Variants in TRDMT1 observed in about 807,000 individuals in gnomAD.
TRDMT1 encodes tRNA aspartic acid methyltransferase 1, also known as tRNA (cytosine(38)-C(5))-methyltransferase.
In TRDMT1, 49 loss-of-function variants were observed where a neutral mutation model predicts 51.2. The ratio of observed to expected loss-of-function variants is 0.96; its 90% CI spans 0.76 to 1.21. The LOEUF is 1.21. Ranked by LOEUF, TRDMT1 falls within the 50% of genes most tolerant of loss-of-function variation. The probability of loss-of-function intolerance (pLI) is 0.00; values close to 1 mark genes in which losing one functional copy is unlikely to be tolerated. For missense variants in TRDMT1, 534 were observed against 462.3 expected, an observed-to-expected ratio of 1.16 and a Z score of -1.42; for synonymous variants, 187 against 164.6, an observed-to-expected ratio of 1.14 and a Z score of -1.04.
At chr10:17,183,514 T>TGGAA in intron 1 of TRDMT1, among the ~76,000 whole-genome samples, 1 of 152,222 alleles carries the variant, frequency 6.6e-6, no homozygotes, top group Non-Finnish European at 1.5e-5. Context: ...ACCTCCTGGG[T>TGGAA]TCAAGTGATT....
chr10:17,145,732 T>A lies in TRDMT1; in HGVS notation c.*3308A>T, dbSNP rs1325353583. On this transcript the variant is annotated 3_prime_UTR_variant, in exon 11 of 11. Coordinates refer to ENST00000377799, the MANE Select transcript of TRDMT1 (RefSeq NM_004412.7). ...GGCTTTTTTAGAAACCGCTTGTTTCTAAACTCTTAAGTTATCAAAGCAAAA... is the reference window on the plus strand; with the variant it reads ...GGCTTTTTTAGAAACCGCTTGTTTCAAAACTCTTAAGTTATCAAAGCAAAA... 1 of 985,340 alleles carries A rather than the reference T, an allele frequency of 1.0e-6. No individual in the cohort carries two copies. The highest frequency in any genetic ancestry group is 1.2e-6 in the Non-Finnish European group (1 of 829,938). 61.0% of individuals were successfully genotyped at this position (985,340 alleles called of 1,614,324 possible).
chr10:17,143,283 T>A lies in TRDMT1; in HGVS notation c.*5757A>T. The A allele has an allele frequency of 1.0e-6, 1 of 984,294 alleles. No homozygotes were observed. Among genetic ancestry groups the A allele is most frequent in the Non-Finnish European group, 1.2e-6 (1 of 828,884 alleles). 61.0% of individuals were successfully genotyped at this position (984,294 alleles called of 1,614,324 possible). A position where few individuals can be genotyped will look rare whatever the true frequency, so the allele number is the denominator to read the frequency against. The stretch of plus-strand genomic sequence containing the variant: ...TACTATGTGCCAGTACTGTTTTAAG[T>A]CACTGGGGGGACAACGTATTAACAA... On this transcript the variant is annotated 3_prime_UTR_variant, in exon 11 of 11. Coordinates refer to ENST00000377799, the MANE Select transcript of TRDMT1 (RefSeq NM_004412.7).
chr10:17,167,075 T>C (rs1265470084), intron 3 of TRDMT1, among the ~76,000 whole-genome samples: 1 of 152,212 alleles, frequency 6.6e-6, no homozygotes, highest in Non-Finnish European at 1.5e-5. Flanking sequence ...ATATAGCTTA[T>C]AAGATAATTT....
At chr10:17,165,751 C>T (rs1841110370) in intron 3 of TRDMT1, among the ~76,000 whole-genome samples, 1 of 152,170 alleles carries the variant, frequency 6.6e-6, no homozygotes, top group South Asian at 2.1e-4. Context: ...ATTTATGCAG[C>T]CAAAAGACAC....
intron 10 of TRDMT1, chr10:17,153,166 G>A (rs1237264545): frequency 7.3e-6 from 3 of 408,772 alleles, no homozygotes; most frequent in Admixed American, 4.0e-5. Flanking sequence ...AGTGTGGGGT[G>A]ATTAGGAGAG....
At position 17,147,934 on chromosome 10, in the gene TRDMT1, A is replaced by C. The variant is rs1400516112; in HGVS notation, c.*1106T>G. 1.1e-6 allele frequency: 1 copy of C among 946,604 alleles called. No individual in the cohort carries two copies. The highest frequency in any genetic ancestry group is 1.2e-4 in the East Asian group (1 of 8,652). 58.6% of individuals were successfully genotyped at this position (946,604 alleles called of 1,614,324 possible). On this transcript the variant is annotated 3_prime_UTR_variant, in exon 11 of 11. Coordinates refer to ENST00000377799, the MANE Select transcript of TRDMT1 (RefSeq NM_004412.7). ...TGAACCATTTTACGTTCCCACAAGCAATGCACAAACTTCCAATTTATCCAC... is the reference window on the plus strand; with the variant it reads ...TGAACCATTTTACGTTCCCACAAGCCATGCACAAACTTCCAATTTATCCAC...
At position 17,140,732 on chromosome 10, in the gene TRDMT1, C is replaced by T. The variant is rs902444339; in HGVS notation, c.*8308G>A. On this transcript the variant is annotated 3_prime_UTR_variant, in exon 11 of 11. Coordinates refer to ENST00000377799, the MANE Select transcript of TRDMT1 (RefSeq NM_004412.7). ...TATGCCACATTGATGAAAACAAAAA[C>T]AACAAAAAAGATCACATTCAATTGA... 6.3e-5 allele frequency among the ~76,000 whole-genome samples: 1 copy of T among 15,888 alleles called. No homozygotes were observed. Among genetic ancestry groups the T allele is most frequent in the Middle Eastern group, 0.17 (1 of 6 alleles). The allele number at this position is 15,888 out of a possible 152,430, so 10.4% of individuals were successfully genotyped here.
intron 1 of TRDMT1, among the ~76,000 whole-genome samples, chr10:17,187,984 T>C (rs1365334791): frequency 2.7e-5 from 4 of 150,908 alleles, no homozygotes; most frequent in African/African-American, 9.7e-5. Context: ...AAACATACTT[T>C]ATTTTTTATA....
intron 2 of TRDMT1, among the ~76,000 whole-genome samples, chr10:17,173,921 C>T (rs1362084354): frequency 1.3e-5 from 2 of 152,058 alleles, no homozygotes; most frequent in Admixed American, 6.5e-5. Context: ...TGTGCCAACA[C>T]ACCTGGCTAA....
intron 2 of TRDMT1, chr10:17,171,990 T>C (rs1842093845): frequency 6.0e-6 from 1 of 167,038 alleles, no homozygotes; most frequent in South Asian, 2.1e-4. Flanking sequence ...GATCACTCTG[T>C]CTTCGGTAGC....
intron 1 of TRDMT1, among the ~76,000 whole-genome samples, chr10:17,181,660 ATTGT>A (rs971377717): frequency 7.7e-5 from 9 of 117,066 alleles, no homozygotes; most frequent in Admixed American, 3.6e-4. Context: ...TTTTTAAGTA[ATTGT>A]TTGACATTTA....
At chr10:17,174,740 T>A in intron 1 of TRDMT1, 80 bp from the exon 2 acceptor site, 1 of 1,083,312 alleles carries the variant, frequency 9.2e-7, no homozygotes, top group Non-Finnish European at 1.4e-6. Flanking sequence ...CAGAATTTAG[T>A]AATCCATTTC....
intron 1 of TRDMT1, among the ~76,000 whole-genome samples, chr10:17,176,379 C>A (rs1842619767): frequency 6.6e-6 from 1 of 152,098 alleles, no homozygotes; most frequent in South Asian, 2.1e-4. Context: ...TGAATCTGCA[C>A]TGTAATCAAT....
rs1235682939 is a variant in TRDMT1, at chr10:17,139,704, G to T, written c.*9336C>A. On this transcript the variant is annotated 3_prime_UTR_variant, in exon 11 of 11. Coordinates refer to ENST00000377799, the MANE Select transcript of TRDMT1 (RefSeq NM_004412.7). ...ACGGTTAGAGGAGTGATTTAACAAG[G>T]CTGATGCCTTACAAAGGGGCATCAT... Among the ~76,000 whole-genome samples the T allele has an allele frequency of 1.8e-4, 28 of 152,092 alleles. 2 individuals are homozygous for T. The highest frequency in any genetic ancestry group is 1.8e-3 in the Admixed American group (27 of 15,274).
chr10:17,144,797 A>G lies in TRDMT1; in HGVS notation c.*4243T>C. 1.0e-6 allele frequency: 1 copy of G among 985,328 alleles called. No individual in the cohort carries two copies. Among genetic ancestry groups the G allele is most frequent in the Non-Finnish European group, 1.2e-6 (1 of 829,906 alleles). The allele number at this position is 985,328 out of a possible 1,614,324, so 61.0% of individuals were successfully genotyped here. On this transcript the variant is annotated 3_prime_UTR_variant, in exon 11 of 11. Transcript: ENST00000377799. ...AGAAACGGAAGCTAGAAACAACAAC[A>G]ACAAAAAATACTTTTTCTTTTTTTT...
Position 17,141,675 on chromosome 10 carries a change from G to A in TRDMT1, c.*7365C>T, listed in dbSNP as rs7901701. On this transcript the variant is annotated 3_prime_UTR_variant, in exon 11 of 11. Coordinates refer to ENST00000377799, the MANE Select transcript of TRDMT1 (RefSeq NM_004412.7). Reference sequence around the variant, plus strand: ...TAGATCAGGTAAATTCTACTGATCCGTCCTTAGGTTCACTGATTTCTATCT... The same window carrying A: ...TAGATCAGGTAAATTCTACTGATCCATCCTTAGGTTCACTGATTTCTATCT... 0.024 allele frequency among the ~76,000 whole-genome samples: 3,610 copies of A among 152,106 alleles called. 134 individuals are homozygous for A. The highest frequency in any genetic ancestry group is 0.083 in the African/African-American group (3,427 of 41,454).
rs1366572193 is a variant in TRDMT1, at chr10:17,146,519, G to A, written c.*2521C>T. On this transcript the variant is annotated 3_prime_UTR_variant, in exon 11 of 11. Coordinates refer to ENST00000377799, the MANE Select transcript of TRDMT1 (RefSeq NM_004412.7). ...CATTAATTGATTTGGTCATCTCTTA[G>A]AATTAGTTTTGGATCCTGAAGACAT... is the stretch of plus-strand genomic sequence containing the variant. 2 of 985,040 alleles carry A rather than the reference G, an allele frequency of 2.0e-6. No homozygotes were observed. Among genetic ancestry groups the A allele is most frequent in the Non-Finnish European group, 2.4e-6 (2 of 829,716 alleles). 61.0% of individuals were successfully genotyped at this position (985,040 alleles called of 1,614,324 possible). A position where few individuals can be genotyped will look rare whatever the true frequency, so the allele number is the denominator to read the frequency against.
chr10:17,143,422 T>A lies in TRDMT1; in HGVS notation c.*5618A>T. The A allele has an allele frequency of 7.1e-6, 7 of 985,464 alleles. No individual in the cohort carries two copies. Among genetic ancestry groups the A allele is most frequent in the Non-Finnish European group, 8.4e-6 (7 of 829,930 alleles). The allele number at this position is 985,464 out of a possible 1,614,324, so 61.0% of individuals were successfully genotyped here. On this transcript the variant is annotated 3_prime_UTR_variant, in exon 11 of 11. Transcript: ENST00000377799. ...GTCTACTCATTCATAGGATCAGCTC[T>A]TAAATATGAAAGTCAACTCATTTCT...
Position 17,149,017 on chromosome 10 carries a change from C to A in TRDMT1, c.*23G>T. 1 of 1,574,324 alleles carries A rather than the reference C, an allele frequency of 6.4e-7. No homozygotes were observed. The highest frequency in any genetic ancestry group is 1.2e-5 in the South Asian group (1 of 85,086). ...TGAAAATGAAGGAATATCATATGAC[C>A]ATCTTTCAGAGTTATTTCAAAATTA... On this transcript the variant is annotated 3_prime_UTR_variant, in exon 11 of 11. Transcript: ENST00000377799.
Sources: allele counts gnomAD v4.1 joint callset (sites outside exome capture counted in the v4.1 genomes callset), GRCh38; gene constraint gnomAD v4.1.1; transcripts MANE v1.5; gene names NCBI Gene and HGNC (gene_info 2026-07-23, HGNC 2026-07-21).